NRG3: variants seen among roughly 807,000 people sequenced by gnomAD.
The protein encoded by NRG3 is neuregulin 3, also known as pro-neuregulin-3, membrane-bound isoform.
NRG3 carries 31 observed loss-of-function variants against 66.9 expected under a neutral mutation model. The ratio of observed to expected loss-of-function variants is 0.46; its 90% CI spans 0.35 to 0.63. The LOEUF (loss-of-function observed/expected upper bound fraction) is 0.63, where lower values mean the gene tolerates loss of function less well. NRG3 is among the 20% of genes least tolerant of loss of function. NRG3 has a pLI of 0.00. For missense variants in NRG3, 910 were observed against 878.9 expected (o/e 1.04, Z -0.45); for synonymous variants, 393 against 359.4 (o/e 1.09, Z -1.06).
At chr10:82,465,028 G>A (rs1240323343) in intron 2 of NRG3, among the ~76,000 whole-genome samples, 1 of 152,158 alleles carries the variant, frequency 6.6e-6, no homozygotes, top group Admixed American at 6.5e-5. Context: ...GAGTAGACTT[G>A]GTGTGGTTTG....
intron 2 of NRG3, among the ~76,000 whole-genome samples, chr10:82,621,655 A>G (rs1409084805): frequency 6.6e-6 from 1 of 152,200 alleles, no homozygotes; most frequent in Non-Finnish European, 1.5e-5. Flanking sequence ...GATAGTAAAA[A>G]TATCATTTCA....
chr10:82,050,231 A>G (rs908078082), intron 1 of NRG3, among the ~76,000 whole-genome samples: 10 of 152,058 alleles, frequency 6.6e-5, no homozygotes, highest in East Asian at 5.8e-4. Context: ...AATTTTCTTC[A>G]TACATTACTG....
intron 3 of NRG3, among the ~76,000 whole-genome samples, chr10:82,820,493 CTACA>C (rs2061903417): frequency 1.3e-5 from 2 of 152,082 alleles, no homozygotes; most frequent in Non-Finnish European, 2.9e-5. Flanking sequence ...CATCTGCTCC[CTACA>C]TAGTCTGGGC....
rs900040195 is a variant in NRG3, at chr10:82,951,347, T to C, written c.1055-122T>C. 8.1e-5 allele frequency: 54 copies of C among 669,618 alleles called. No homozygotes were observed. In the African/African-American group the frequency reaches 9.2e-4, roughly 11 times the overall value. The allele number at this position is 669,618 out of a possible 1,614,324, so 41.5% of individuals were successfully genotyped here. A position where few individuals can be genotyped will look rare whatever the true frequency, so the allele number is the denominator to read the frequency against. On this transcript the variant is annotated intron_variant, in intron 4 of 8. Transcript: ENST00000372141. ...AATAAGTTCCTTGTTTTTTCCCTATTTATGACAGAAACCAAAAAGTTGGCT... is the reference window on the plus strand; with the variant it reads ...AATAAGTTCCTTGTTTTTTCCCTATCTATGACAGAAACCAAAAAGTTGGCT...
chr10:82,103,467 A>T (rs1564565902), intron 1 of NRG3, among the ~76,000 whole-genome samples: 1 of 152,138 alleles, frequency 6.6e-6, no homozygotes, highest in Non-Finnish European at 1.5e-5. Context: ...TGGGTGATTG[A>T]TCCAATGTCA....
At chr10:82,557,558 T>G (rs1167045513) in intron 2 of NRG3, among the ~76,000 whole-genome samples, 1 of 152,156 alleles carries the variant, frequency 6.6e-6, no homozygotes, top group African/African-American at 2.4e-5. Context: ...TTTTCACATG[T>G]TTTCTCCCAT....
intron 2 of NRG3, among the ~76,000 whole-genome samples, chr10:82,506,532 C>T (rs913853489): frequency 2.0e-5 from 3 of 151,922 alleles, no homozygotes; most frequent in Non-Finnish European, 2.9e-5. Context: ...TCTTCCTTCC[C>T]TCTCTCCCTT....
chr10:82,577,757 C>A (rs984805345), intron 2 of NRG3, among the ~76,000 whole-genome samples: 16 of 151,676 alleles, frequency 1.1e-4, no homozygotes, highest in African/African-American at 3.9e-4. Flanking sequence ...ATTAGAAGGA[C>A]CATTGTTCTA....
intron 1 of NRG3, among the ~76,000 whole-genome samples, chr10:82,335,871 T>C (rs1340872750): frequency 2.0e-5 from 3 of 152,172 alleles, no homozygotes; most frequent in Non-Finnish European, 2.9e-5. Flanking sequence ...AAATATATAA[T>C]CTGTGAGAAA....
intron 2 of NRG3, among the ~76,000 whole-genome samples, chr10:82,520,502 T>C (rs1478090224): frequency 6.6e-6 from 1 of 152,090 alleles, no homozygotes; most frequent in Non-Finnish European, 1.5e-5. Flanking sequence ...AAAGCTCTTT[T>C]CTCTCATCTC....
chr10:82,727,276 T>A (rs2057652209), intron 2 of NRG3, among the ~76,000 whole-genome samples: 1 of 152,180 alleles, frequency 6.6e-6, no homozygotes, highest in Admixed American at 6.5e-5. Context: ...CTCCAAGGTA[T>A]GTCGGAGATC....
chr10:82,657,926 A>C (rs2052007366), intron 2 of NRG3, among the ~76,000 whole-genome samples: 1 of 151,652 alleles, frequency 6.6e-6, no homozygotes, highest in South Asian at 2.1e-4. Context: ...AATCCCTCTA[A>C]GCTCACATGG....
At chr10:82,249,412 C>T (rs959827418) in intron 1 of NRG3, among the ~76,000 whole-genome samples, 7 of 152,148 alleles carry the variant, frequency 4.6e-5, no homozygotes, top group Non-Finnish European at 8.8e-5. Context: ...ATAGAGGGTA[C>T]TTATGGAGAT....
intron 3 of NRG3, among the ~76,000 whole-genome samples, chr10:82,809,660 G>T (rs2061416758): frequency 2.0e-5 from 3 of 152,162 alleles, no homozygotes; most frequent in Middle Eastern, 3.4e-3. Context: ...TGGCTGTAGA[G>T]AATTTACTTT....
At chr10:82,821,464 G>A (rs1419298906) in intron 3 of NRG3, among the ~76,000 whole-genome samples, 1 of 150,238 alleles carries the variant, frequency 6.7e-6, no homozygotes, top group African/African-American at 2.5e-5. Flanking sequence ...AAGGACAGTT[G>A]CATAGTCTGG....
intron 1 of NRG3, among the ~76,000 whole-genome samples, chr10:82,347,424 C>G (rs2083100646): frequency 6.6e-6 from 1 of 152,108 alleles, no homozygotes; most frequent in African/African-American, 2.4e-5. Context: ...GCACTGTGGT[C>G]TGAGAGACAG....
intron 1 of NRG3, among the ~76,000 whole-genome samples, chr10:82,236,550 G>T (rs1203306553): frequency 1.3e-5 from 2 of 152,074 alleles, no homozygotes; most frequent in African/African-American, 4.8e-5. Context: ...GCTGTTCCCT[G>T]CATCCTTAAG....
intron 4 of NRG3, among the ~76,000 whole-genome samples, chr10:82,910,408 G>A (rs1564623292): frequency 1.3e-5 from 2 of 152,242 alleles, no homozygotes; most frequent in African/African-American, 4.8e-5. Flanking sequence ...GCACCAGGAT[G>A]TGCTAATGCA....
At chr10:82,653,296 G>C (rs2051574477) in intron 2 of NRG3, among the ~76,000 whole-genome samples, 1 of 152,200 alleles carries the variant, frequency 6.6e-6, no homozygotes, top group Non-Finnish European at 1.5e-5. Context: ...ACAGTGAAGT[G>C]AGTAGGTGAT....
Sources: allele counts gnomAD v4.1 joint callset (sites outside exome capture counted in the v4.1 genomes callset), GRCh38; gene constraint gnomAD v4.1.1; transcripts MANE v1.5; gene names NCBI Gene and HGNC (gene_info 2026-07-23, HGNC 2026-07-21).